Variants in ADGRD1 observed in about 807,000 individuals in gnomAD.
The protein encoded by ADGRD1 is G-protein coupled receptor 133.
ADGRD1 carries 77 observed loss-of-function variants against 113.4 expected under a neutral mutation model. The observed-to-expected ratio is 0.68, with a 90% confidence interval of 0.57 to 0.82. The LOEUF (loss-of-function observed/expected upper bound fraction) is 0.82. ADGRD1 is among the 40% of genes least tolerant of loss of function. The pLI, the probability that ADGRD1 is intolerant of heterozygous loss-of-function variation, is 0.00. For missense variants in ADGRD1, 1,036 were observed against 1,139.1 expected, an observed-to-expected ratio of 0.91 and a Z score of 1.30; for synonymous variants, 474 against 475.0, an observed-to-expected ratio of 1.00 and a Z score of 0.03.
intron 15 of ADGRD1, among the ~76,000 whole-genome samples, chr12:131,089,628 G>A (rs111317909): frequency 1.8e-5 from 2 of 111,636 alleles, no homozygotes; most frequent in African/African-American, 9.5e-5. Context: ...GGGTGCTCCC[G>A]GCCAGTGAGT....
At chr12:130,998,716 C>G (rs1875940683) in intron 8 of ADGRD1, among the ~76,000 whole-genome samples, 1 of 152,194 alleles carries the variant, frequency 6.6e-6, no homozygotes, top group Non-Finnish European at 1.5e-5. Flanking sequence ...CCACCCGTCT[C>G]AGCCTCCCAA....
intron 14 of ADGRD1, among the ~76,000 whole-genome samples, chr12:131,079,465 T>C (rs1885899323): frequency 6.6e-6 from 1 of 152,248 alleles, no homozygotes; most frequent in Admixed American, 6.5e-5. Context: ...TTTCTTTTTT[T>C]GGTAATGTCT....
At chr12:131,054,246 C>T (rs1231348114) in intron 13 of ADGRD1, among the ~76,000 whole-genome samples, 1 of 152,208 alleles carries the variant, frequency 6.6e-6, no homozygotes, top group Non-Finnish European at 1.5e-5. Context: ...CCGAAAGTTC[C>T]CTGGGTCCCC....
intron 8 of ADGRD1, among the ~76,000 whole-genome samples, chr12:130,996,711 C>T (rs1462232538): frequency 1.5e-4 from 14 of 90,486 alleles, no homozygotes; most frequent in Admixed American, 9.9e-4. Flanking sequence ...GGGGGGCTGA[C>T]CCCCCCACCA....
chr12:130,966,862 C>T lies in ADGRD1; in HGVS notation c.187+316C>T. Reference sequence around the variant, plus strand: ...TCTCAAGCTCCTGGCCTCAGCAATCCTCTGGCCTTGGCCTCCCAAAGTGCT... The same window carrying T: ...TCTCAAGCTCCTGGCCTCAGCAATCTTCTGGCCTTGGCCTCCCAAAGTGCT... On this transcript the variant is annotated intron_variant, in intron 3 of 24. Coordinates refer to ENST00000261654, the MANE Select transcript of ADGRD1 (RefSeq NM_198827.5). This position sits in a 1 kb window ranked among gnomAD's most constrained non-coding sequence, Gnocchi z 4.6. 1 of 426,298 alleles carries T rather than the reference C, an allele frequency of 2.3e-6. No individual in the cohort carries two copies. Among genetic ancestry groups the T allele is most frequent in the South Asian group, 1.9e-5 (1 of 53,728 alleles). The allele number at this position is 426,298 out of a possible 1,614,324, so 26.4% of individuals were successfully genotyped here.
chr12:131,038,420 A>G (rs1881769018), intron 13 of ADGRD1, among the ~76,000 whole-genome samples: 1 of 152,232 alleles, frequency 6.6e-6, no homozygotes, highest in Non-Finnish European at 1.5e-5. Flanking sequence ...CTGGTTTGGT[A>G]TCGCAGAGCC....
chr12:131,090,152 C>T (rs1033751090), intron 15 of ADGRD1, among the ~76,000 whole-genome samples: 8 of 152,176 alleles, frequency 5.3e-5, no homozygotes, highest in Admixed American at 1.3e-4. Context: ...TGGGTGTCTT[C>T]GTGGGAGCAA....
At chr12:131,066,840 A>C (rs1342102876) in intron 13 of ADGRD1, among the ~76,000 whole-genome samples, 1 of 152,164 alleles carries the variant, frequency 6.6e-6, no homozygotes, top group African/African-American at 2.4e-5. Flanking sequence ...AGCGGCCAGG[A>C]GGCCGAGGGG....
intron 8 of ADGRD1, among the ~76,000 whole-genome samples, chr12:130,999,013 T>C (rs1399997249): frequency 6.6e-6 from 1 of 152,232 alleles, no homozygotes; most frequent in Non-Finnish European, 1.5e-5. Flanking sequence ...ATATTTTAGG[T>C]TTTTGAGCTA....
At chr12:131,046,930 A>G (rs1159073990) in intron 13 of ADGRD1, among the ~76,000 whole-genome samples, 1 of 130,708 alleles carries the variant, frequency 7.7e-6, no homozygotes, top group Non-Finnish European at 1.6e-5. Flanking sequence ...CTCCCTGGTG[A>G]GTGCTCCCTC....
chr12:131,127,337 C>T (rs1002008480), intron 20 of ADGRD1, among the ~76,000 whole-genome samples: 4 of 152,220 alleles, frequency 2.6e-5, no homozygotes, highest in South Asian at 2.1e-4. Flanking sequence ...CTTTCGGTGG[C>T]CTTGTCAGAA....
At chr12:131,028,373 G>A (rs754521928) in intron 13 of ADGRD1, among the ~76,000 whole-genome samples, 1 of 152,106 alleles carries the variant, frequency 6.6e-6, no homozygotes, top group African/African-American at 2.4e-5. Context: ...TATACGTATT[G>A]CAAATATCTC....
At chr12:130,978,309 GTCTTT>G (rs1335043192) in intron 4 of ADGRD1, 1 of 152,036 alleles carries the variant, frequency 6.6e-6, no homozygotes, top group Non-Finnish European at 1.5e-5. Flanking sequence ...AAATTTATTA[GTCTTT>G]TCTTATGACT....
intron 12 of ADGRD1, among the ~76,000 whole-genome samples, chr12:131,012,007 C>T (rs932681281): frequency 3.3e-5 from 5 of 152,174 alleles, no homozygotes; most frequent in African/African-American, 7.2e-5. Context: ...TCACTTTCTG[C>T]GGTGGGGACT....
chr12:131,036,181 G>A (rs1247743471), intron 13 of ADGRD1, among the ~76,000 whole-genome samples: 1 of 152,068 alleles, frequency 6.6e-6, no homozygotes, highest in Admixed American at 6.5e-5. Flanking sequence ...CTCACTGGAG[G>A]GGGTCTCATT....
intron 6 of ADGRD1, chr12:130,987,620 G>T: frequency 2.0e-6 from 1 of 497,862 alleles, no homozygotes; most frequent in South Asian, 2.3e-5. Context: ...ATTATAGAAG[G>T]CTTTGGAGAG....
chr12:131,023,165 TTTTAG>T (rs1206063475), intron 13 of ADGRD1: 1 of 152,064 alleles, frequency 6.6e-6, no homozygotes, highest in East Asian at 1.9e-4. Flanking sequence ...CCCTCTCTGC[TTTTAG>T]CCTTACACCA....
At chr12:130,992,069 C>A (rs1009841756) in intron 7 of ADGRD1, among the ~76,000 whole-genome samples, 168 bp from the exon 8 acceptor site, 4 of 149,354 alleles carry the variant, frequency 2.7e-5, no homozygotes, top group African/African-American at 9.9e-5. Context: ...TGCAGTGAGC[C>A]GAGATTGCGC....
At chr12:130,960,079 G>A (rs1870161071) in intron 2 of ADGRD1, among the ~76,000 whole-genome samples, 1 of 152,198 alleles carries the variant, frequency 6.6e-6, no homozygotes, top group African/African-American at 2.4e-5. Context: ...TGTGATGGTT[G>A]ATTAATCTGA....
Sources: allele counts gnomAD v4.1 joint callset (sites outside exome capture counted in the v4.1 genomes callset), GRCh38; gene constraint gnomAD v4.1.1; non-coding constraint Gnocchi (gnomAD v3.1); transcripts MANE v1.5; gene names NCBI Gene and HGNC (gene_info 2026-07-23, HGNC 2026-07-21).